Variants in EPHA3 observed in about 807,000 individuals in gnomAD.
EPHA3 encodes ephrin type-A receptor 3.
Under a neutral mutation model 107.1 loss-of-function variants are expected in EPHA3, and 42 were observed. That is an observed-to-expected ratio of 0.39 (90% CI 0.31 to 0.51). The LOEUF (loss-of-function observed/expected upper bound fraction) is 0.51, where lower values mean the gene tolerates loss of function less well. Among genes scored for constraint, EPHA3 ranks in the 20% least tolerant of loss-of-function variants. The pLI is 0.78. For synonymous variants in EPHA3, 461 were observed against 424.8 expected (o/e 1.09, Z -1.05); for missense variants, 1,183 against 1,211.2 (o/e 0.98, Z 0.35).
At chr3:89,197,633 A>C (rs1365530416) in intron 2 of EPHA3, among the ~76,000 whole-genome samples, 2 of 152,174 alleles carry the variant, frequency 1.3e-5, no homozygotes, top group Non-Finnish European at 2.9e-5. Context: ...ATTTTATTCC[A>C]GTTTAGAAGG....
Position 89,435,347 on chromosome 3 carries a change from C to T in EPHA3, c.2346+3988C>T, listed in dbSNP as rs550835764. ...GAGTGGGGTGGCTCACGCCTATAAT[C>T]TTGACACTTCGAGAGGCCAAGGCAG... On this transcript the variant is annotated intron_variant, in intron 13 of 16. Transcript: ENST00000336596. 2.1e-3 allele frequency among the ~76,000 whole-genome samples: 316 copies of T among 151,012 alleles called. 2 individuals carry two copies. Among genetic ancestry groups the T allele is most frequent in the Admixed American group, 3.9e-3 (59 of 15,076 alleles).
chr3:89,244,136 T>C (rs1360866260), intron 3 of EPHA3, among the ~76,000 whole-genome samples: 1 of 152,130 alleles, frequency 6.6e-6, no homozygotes, highest in Non-Finnish European at 1.5e-5. Flanking sequence ...TGTGACATTA[T>C]TGATACACAA....
chr3:89,347,327 C>G lies in EPHA3; in HGVS notation c.1306+5237C>G, dbSNP rs1193860615. Among the ~76,000 whole-genome samples, 11 of 146,560 alleles carry G rather than the reference C, an allele frequency of 7.5e-5. No homozygotes were observed. The East Asian group carries it at 2.2e-3, about 29-fold the overall frequency. On this transcript the variant is annotated intron_variant, in intron 5 of 16. Coordinates refer to ENST00000336596, the MANE Select transcript of EPHA3 (RefSeq NM_005233.6). ...GGTTTGTAGTTCTCCTTGAAGAGGT[C>G]CTTCACATCCCTTGTAAGTTGGATT...
intron 5 of EPHA3, among the ~76,000 whole-genome samples, chr3:89,364,866 T>C (rs1467272882): frequency 6.6e-6 from 1 of 150,958 alleles, no homozygotes; most frequent in East Asian, 1.9e-4. Flanking sequence ...CATCACTCCT[T>C]GCTACTTTTC....
At chr3:89,127,925 A>G (rs1441953820) in intron 2 of EPHA3, among the ~76,000 whole-genome samples, 1 of 152,030 alleles carries the variant, frequency 6.6e-6, no homozygotes, top group African/African-American at 2.4e-5. Context: ...TTTATGGGAG[A>G]ACATTTTTCT....
At chr3:89,220,147 A>G (rs1704335948) in intron 3 of EPHA3, among the ~76,000 whole-genome samples, 1 of 152,188 alleles carries the variant, frequency 6.6e-6, no homozygotes, top group Non-Finnish European at 1.5e-5. Context: ...CCAACATATA[A>G]ATATGTAGTG....
chr3:89,291,970 A>T (rs1346471240), intron 3 of EPHA3, among the ~76,000 whole-genome samples: 1 of 152,200 alleles, frequency 6.6e-6, no homozygotes, highest in East Asian at 1.9e-4. Flanking sequence ...AAATTATAAT[A>T]ATATAAAGTT....
At chr3:89,209,396 A>G (rs1485230413) in intron 2 of EPHA3, among the ~76,000 whole-genome samples, 1 of 152,168 alleles carries the variant, frequency 6.6e-6, no homozygotes. Context: ...TAGTAAAAAT[A>G]TCATTTATAT....
At chr3:89,208,369 A>G (rs1467171139) in intron 2 of EPHA3, among the ~76,000 whole-genome samples, 5 of 18,674 alleles carry the variant, frequency 2.7e-4, no homozygotes, top group East Asian at 1.9e-3. Flanking sequence ...AGACTCTGTG[A>G]AAAAAAAAAA....
At chr3:89,155,256 T>G (rs1179400618) in intron 2 of EPHA3, among the ~76,000 whole-genome samples, 2 of 151,976 alleles carry the variant, frequency 1.3e-5, no homozygotes, top group Non-Finnish European at 2.9e-5. Flanking sequence ...TATTTCTTTA[T>G]TTGTTAACTA....
intron 5 of EPHA3, among the ~76,000 whole-genome samples, chr3:89,366,981 T>C (rs1708197070): frequency 6.6e-6 from 1 of 150,658 alleles, no homozygotes; most frequent in Non-Finnish European, 1.5e-5. Context: ...ATAACATTCT[T>C]CCTATCTTCA....
intron 3 of EPHA3, among the ~76,000 whole-genome samples, chr3:89,278,260 G>T (rs1705857858): frequency 6.6e-6 from 1 of 152,038 alleles, no homozygotes; most frequent in African/African-American, 2.4e-5. Context: ...ATGTTTGCTG[G>T]GTCTCTGTGG....
chr3:89,474,085 G>T (rs1370173113), intron 16 of EPHA3, among the ~76,000 whole-genome samples: 1 of 151,920 alleles, frequency 6.6e-6, no homozygotes, highest in South Asian at 2.1e-4. Flanking sequence ...ACATCACTGT[G>T]AAAAATAACA....
chr3:89,293,183 G>T (rs1419021617), intron 3 of EPHA3, among the ~76,000 whole-genome samples: 3 of 151,998 alleles, frequency 2.0e-5, no homozygotes, highest in African/African-American at 7.3e-5. Flanking sequence ...TCCTTTTTGA[G>T]CGGGGAGATT....
At chr3:89,288,932 T>C (rs1440074766) in intron 3 of EPHA3, among the ~76,000 whole-genome samples, 1 of 152,190 alleles carries the variant, frequency 6.6e-6, no homozygotes, top group African/African-American at 2.4e-5. Context: ...TCAATTCATA[T>C]GGATAACAAA....
chr3:89,286,119 CGTGTGT>C lies in EPHA3; in HGVS notation c.815-54760_815-54755del, dbSNP rs373081017. On this transcript the variant is annotated intron_variant, in intron 3 of 16. Transcript: ENST00000336596. ...TTTAAACTAGGAGGATCAATTTCTA[CGTGTGT>C]GTGTGTGTGTGTGTGTGTGTGTGTG... Among the ~76,000 whole-genome samples the C allele has an allele frequency of 2.4e-3, 323 of 136,648 alleles. 1 individual carries two copies. Among genetic ancestry groups the C allele is most frequent in the Middle Eastern group, 4.1e-3 (1 of 242 alleles). 89.6% of individuals were successfully genotyped at this position (136,648 alleles called of 152,430 possible).
intron 3 of EPHA3, among the ~76,000 whole-genome samples, chr3:89,296,762 A>T (rs931760859): frequency 1.3e-5 from 2 of 152,210 alleles, no homozygotes; most frequent in Non-Finnish European, 2.9e-5. Flanking sequence ...TGAAAGTCTC[A>T]GATGGTATTT....
chr3:89,152,102 T>C (rs989995130), intron 2 of EPHA3, among the ~76,000 whole-genome samples: 6 of 152,118 alleles, frequency 3.9e-5, no homozygotes, highest in African/African-American at 1.4e-4. Context: ...CTCAAATATT[T>C]GGACGCATAT....
At chr3:89,123,542 C>T (rs1350271754) in intron 1 of EPHA3, among the ~76,000 whole-genome samples, 1 of 152,204 alleles carries the variant, frequency 6.6e-6, no homozygotes, top group Non-Finnish European at 1.5e-5. Flanking sequence ...TAGTGCCCAT[C>T]TGAAAGTCAA....
Sources: gnomAD v4.1 joint callset for allele counts (sites outside exome capture counted in the v4.1 genomes callset) on GRCh38, gnomAD v4.1.1 for gene constraint, MANE v1.5 for transcripts, NCBI Gene and HGNC (gene_info 2026-07-23, HGNC 2026-07-21) for gene names.